The following OPA1 variants were observed in gnomAD, a reference collection of about 807,000 sequenced individuals.
OPA1 encodes OPA1 mitochondrial dynamin like GTPase, also known as dynamin-like GTPase OPA1, mitochondrial.
In OPA1, 59 loss-of-function variants were observed where a neutral mutation model predicts 152.9. That is an observed-to-expected ratio of 0.39 (90% CI 0.31 to 0.48). OPA1 has a LOEUF of 0.48. Among genes scored for constraint, OPA1 ranks in the 20% least tolerant of loss-of-function variants. The pLI is 0.96. For missense variants in OPA1, 1,008 were observed against 1,216.8 expected, an observed-to-expected ratio of 0.83 and a Z score of 2.55; for synonymous variants, 400 against 389.9, an observed-to-expected ratio of 1.03 and a Z score of -0.31.
rs376602734 is a variant in OPA1, at chr3:193,664,638, G to GT, written c.2662-239dup. 2.3e-3 allele frequency among the ~76,000 whole-genome samples: 343 copies of GT among 151,856 alleles called. 2 individuals are homozygous for GT. The highest frequency in any genetic ancestry group is 7.3e-3 in the African/African-American group (300 of 41,336). On this transcript the variant is annotated intron_variant, in intron 26 of 30. Coordinates refer to ENST00000361510, the MANE Select transcript of OPA1 (RefSeq NM_130837.3). ...TTATTTGATTATAGTAACAGCATTT[G>GT]TTTAAATCATTGCTAATTTTTAAGT...
At chr3:193,658,348 A>C (rs2109179877) in intron 23 of OPA1, among the ~76,000 whole-genome samples, 1 of 152,286 alleles carries the variant, frequency 6.6e-6, no homozygotes, top group Middle Eastern at 3.4e-3. Context: ...TTCATCCAAA[A>C]ATTATAAAAT....
At chr3:193,616,795 A>G (rs1729085607) in intron 3 of OPA1, among the ~76,000 whole-genome samples, 1 of 152,236 alleles carries the variant, frequency 6.6e-6, no homozygotes, top group Admixed American at 6.5e-5. Flanking sequence ...GTGGAGGTGG[A>G]ATTAATCTAT....
At chr3:193,655,254 G>GT (rs1216081745) in intron 22 of OPA1, among the ~76,000 whole-genome samples, 1 of 152,010 alleles carries the variant, frequency 6.6e-6, no homozygotes, top group African/African-American at 2.4e-5. Flanking sequence ...GAGGGTATTG[G>GT]TACTTCTTCC....
intron 27 of OPA1, 39 bp from the exon 28 acceptor site, chr3:193,666,257 A>G: frequency 1.3e-6 from 2 of 1,540,700 alleles, no homozygotes; most frequent in Non-Finnish European, 1.8e-6. Context: ...TTTTCATTTT[A>G]ACTTTGCATC....
chr3:193,665,098 C>A, intron 27 of OPA1, 102 bp downstream of exon 27: 1 of 699,890 alleles, frequency 1.4e-6, no homozygotes, highest in Admixed American at 2.3e-5. Context: ...GTCCTTTGAT[C>A]ATCTGGGGAA....
At chr3:193,597,307 G>T (rs1725756290) in intron 1 of OPA1, among the ~76,000 whole-genome samples, 1 of 152,190 alleles carries the variant, frequency 6.6e-6, no homozygotes, top group African/African-American at 2.4e-5. Flanking sequence ...GTCAGGTATT[G>T]CTGAGAGGTC....
chr3:193,628,613 C>T (rs1731560411), intron 7 of OPA1: 1 of 152,140 alleles, frequency 6.6e-6, no homozygotes, highest in African/African-American at 2.4e-5. Context: ...CCATTTCTGT[C>T]AGGGTGAGTT....
chr3:193,657,897 G>A (rs184043499), intron 23 of OPA1, among the ~76,000 whole-genome samples: 134 of 152,278 alleles, frequency 8.8e-4, no homozygotes, highest in Middle Eastern at 6.8e-3. Context: ...AGGATTGAGC[G>A]ATTTTCTGGG....
chr3:193,637,843 C>T (rs1733181066), intron 10 of OPA1, 109 bp from the exon 11 acceptor site: 1 of 869,354 alleles, frequency 1.2e-6, no homozygotes, highest in African/African-American at 1.7e-5. Flanking sequence ...ATTTTTTCAC[C>T]TGTAGAAATT....
intron 16 of OPA1, among the ~76,000 whole-genome samples, chr3:193,645,347 CGT>C (rs1391561162): frequency 3.9e-5 from 6 of 152,054 alleles, no homozygotes; most frequent in African/African-American, 1.2e-4. Flanking sequence ...GTTTTCGATA[CGT>C]GTGTTTTAAT....
At chr3:193,665,848 G>A (rs370156290) in intron 27 of OPA1, among the ~76,000 whole-genome samples, 38 of 152,186 alleles carry the variant, frequency 2.5e-4, no homozygotes, top group African/African-American at 8.9e-4. Flanking sequence ...TGTAGAATAA[G>A]CTTCTTTTTA....
intron 21 of OPA1, among the ~76,000 whole-genome samples, chr3:193,649,215 A>C (rs1425172357): frequency 6.6e-6 from 1 of 152,192 alleles, no homozygotes; most frequent in Non-Finnish European, 1.5e-5. Context: ...GAGTTGGTAT[A>C]TATTTTCAGG....
chr3:193,609,747 T>C (rs918074247), intron 1 of OPA1, among the ~76,000 whole-genome samples: 1 of 152,232 alleles, frequency 6.6e-6, no homozygotes, highest in African/African-American at 2.4e-5. Context: ...CTTTTTATTC[T>C]TTTTTCTCTA....
intron 22 of OPA1, among the ~76,000 whole-genome samples, chr3:193,656,429 A>AT (rs1250440780): frequency 1.3e-5 from 2 of 152,130 alleles, no homozygotes; most frequent in Non-Finnish European, 2.9e-5. Context: ...GTTCTTCATT[A>AT]TTTTTGACAC....
chr3:193,692,311 T>C (rs892063862), intron 30 of OPA1, among the ~76,000 whole-genome samples, 179 bp downstream of exon 30: 2 of 152,234 alleles, frequency 1.3e-5, no homozygotes, highest in African/African-American at 4.8e-5. Context: ...TTGAATAACT[T>C]GATTGCCTTC....
Position 193,648,873 on chromosome 3 carries a change from T to C in OPA1, c.2012+2T>C. 1 of 1,572,818 alleles carries C rather than the reference T, an allele frequency of 6.4e-7. No individual in the cohort carries two copies. Among genetic ancestry groups the C allele is most frequent in the Non-Finnish European group, 8.8e-7 (1 of 1,142,654 alleles). On this transcript the variant is annotated splice_donor_variant, in intron 21 of 30. Coordinates refer to ENST00000361510, the MANE Select transcript of OPA1 (RefSeq NM_130837.3). LOFTEE classifies it high-confidence loss of function. The stretch of plus-strand genomic sequence containing the variant: ...GAGCCAGGTTACACCAAAACATTGG[T>C]AAGTATTTGATATTAATCTCTTTTC...
At chr3:193,645,247 T>G (rs1734367311) in intron 16 of OPA1, among the ~76,000 whole-genome samples, 1 of 152,214 alleles carries the variant, frequency 6.6e-6, no homozygotes, top group African/African-American at 2.4e-5. Context: ...AAAATTAAGT[T>G]GTTTACTTAA....
In OPA1 at chr3:193,647,050, A is replaced by G; in HGVS notation, c.1755-15A>G. 5 of 1,516,692 alleles carry G rather than the reference A, an allele frequency of 3.3e-6. No homozygotes were observed. Among genetic ancestry groups the G allele is most frequent in the Non-Finnish European group, 4.5e-6 (5 of 1,100,230 alleles). 94.0% of individuals were successfully genotyped at this position (1,516,692 alleles called of 1,614,324 possible). A position where few individuals can be genotyped will look rare whatever the true frequency, so the allele number is the denominator to read the frequency against. On this transcript the variant is annotated splice_polypyrimidine_tract_variant and intron_variant, in intron 18 of 30. Coordinates refer to ENST00000361510, the MANE Select transcript of OPA1 (RefSeq NM_130837.3). ...ATTTTAATATACTTTAGCTCTTGTT[A>G]TTTTTTTTTAATAGGACAAGCATGC... is the stretch of plus-strand genomic sequence containing the variant.
chr3:193,616,484 T>TA (rs1729028928), intron 3 of OPA1, among the ~76,000 whole-genome samples: 1 of 152,228 alleles, frequency 6.6e-6, no homozygotes, highest in African/African-American at 2.4e-5. Context: ...CTATTAATAA[T>TA]ATCATTTTCT....
Sources: gnomAD v4.1 joint callset for allele counts (sites outside exome capture counted in the v4.1 genomes callset) on GRCh38, gnomAD v4.1.1 for gene constraint, MANE v1.5 for transcripts, NCBI Gene and HGNC (gene_info 2026-07-23, HGNC 2026-07-21) for gene names.